ZBTB46: variants seen among roughly 807,000 people sequenced by gnomAD.
ZBTB46 encodes zinc finger and BTB domain containing 46.
In ZBTB46, 8 loss-of-function variants were observed where a neutral mutation model predicts 44.1. The observed-to-expected ratio is 0.18, with a 90% CI of 0.11 to 0.33. The LOEUF (loss-of-function observed/expected upper bound fraction) is 0.33, where lower values mean the gene tolerates loss of function less well. Among genes scored for constraint, ZBTB46 ranks in the 10% least tolerant of loss-of-function variants. The pLI, the probability that ZBTB46 is intolerant of heterozygous loss-of-function variation, is 1.00. For synonymous variants in ZBTB46, 409 were observed against 382.3 expected, an observed-to-expected ratio of 1.07 and a Z score of -0.81; for missense variants, 651 against 847.7, an observed-to-expected ratio of 0.77 and a Z score of 2.88.
chr20:63,807,610 G>T (rs1298821731), intron 1 of ZBTB46, among the ~76,000 whole-genome samples: 1 of 152,246 alleles, frequency 6.6e-6, no homozygotes, highest in African/African-American at 2.4e-5. Flanking sequence ...CTCCCAAAGT[G>T]TTGGGACTAC....
At chr20:63,759,976 T>C (rs2092259444) in intron 3 of ZBTB46, among the ~76,000 whole-genome samples, 1 of 152,220 alleles carries the variant, frequency 6.6e-6, no homozygotes, top group Non-Finnish European at 1.5e-5. Context: ...CCTTGAGTTC[T>C]TGGAATGAGC....
At chr20:63,801,395 GCCAATCAGCTCTCTCTAAAACAGA>G (rs1457049165) in intron 1 of ZBTB46, among the ~76,000 whole-genome samples, 7 of 152,126 alleles carry the variant, frequency 4.6e-5, no homozygotes, top group East Asian at 1.9e-4. Context: ...GTCAAAATGG[GCCAATCAGCTCTCTCTAAAACAGA>G]CCAATCAGCT....
intron 1 of ZBTB46, among the ~76,000 whole-genome samples, chr20:63,793,859 AAAAT>A (rs1229856024): frequency 1.3e-5 from 2 of 152,182 alleles, no homozygotes; most frequent in Non-Finnish European, 1.5e-5. Flanking sequence ...TATAGTTAAA[AAAAT>A]AAATAAATAA....
At chr20:63,769,953 C>T (rs1055819507) in intron 3 of ZBTB46, among the ~76,000 whole-genome samples, 35 of 152,330 alleles carry the variant, frequency 2.3e-4, no homozygotes, top group Non-Finnish European at 7.4e-5. Flanking sequence ...TCTCCAGTAA[C>T]GAGCTGGTCA....
chr20:63,746,891 A>T lies in ZBTB46; in HGVS notation c.*39T>A. ...ACCCACCGGACACACACACGGGTGG[A>T]CGGAGCGAGGCAGCCACCGACCCTG... is the stretch of plus-strand genomic sequence containing the variant. On this transcript the variant is annotated 3_prime_UTR_variant, in exon 5 of 5. Coordinates refer to ENST00000245663, the MANE Select transcript of ZBTB46 (RefSeq NM_001369741.1). 6.8e-7 allele frequency: 1 copy of T among 1,480,106 alleles called. No homozygotes were observed. Among genetic ancestry groups the T allele is most frequent in the Non-Finnish European group, 9.0e-7 (1 of 1,116,480 alleles). 91.7% of individuals were successfully genotyped at this position (1,480,106 alleles called of 1,614,324 possible).
chr20:63,826,397 C>T (rs1480776771), intron 1 of ZBTB46, among the ~76,000 whole-genome samples: 1 of 152,134 alleles, frequency 6.6e-6, no homozygotes, highest in Non-Finnish European at 1.5e-5. Flanking sequence ...AGCCCGGGGG[C>T]GACACCTGGG....
Position 63,752,761 on chromosome 20 carries a change from C to A in ZBTB46, c.1323G>T (p.Thr441=). The change falls in exon 4 of 5, where the codon ACG becomes ACT. Residue 441 remains threonine (T), a synonymous_variant. Transcript: ENST00000245663. The surrounding 1 kb of genome is among the most constrained non-coding windows in gnomAD (Gnocchi z 5.6). ...CILKRHMRSH[T]GERPYPCEIC... ...TCTCGCAGGGGTAGGGCCGCTCTCC[C>A]GTGTGCGAGCGCATGTGTCGCTTGA... is the stretch of plus-strand genomic sequence containing the variant. The A allele has an allele frequency of 2.5e-6, 4 of 1,612,714 alleles. No individual in the cohort carries two copies. The highest frequency in any genetic ancestry group is 3.4e-6 in the Non-Finnish European group (4 of 1,179,532).
At chr20:63,776,836 GATA>G (rs1240372054) in intron 2 of ZBTB46, among the ~76,000 whole-genome samples, 1 of 151,344 alleles carries the variant, frequency 6.6e-6, no homozygotes, top group African/African-American at 2.4e-5. Flanking sequence ...CTATATATCT[GATA>G]ATAAAAAGGC....
chr20:63,765,207 T>G (rs1235232754), intron 3 of ZBTB46, among the ~76,000 whole-genome samples: 1 of 152,050 alleles, frequency 6.6e-6, no homozygotes, highest in East Asian at 1.9e-4. Flanking sequence ...TCTTGCTTCT[T>G]GGGATTTTGC....
intron 1 of ZBTB46, among the ~76,000 whole-genome samples, chr20:63,799,176 G>A (rs1182366978): frequency 6.6e-6 from 1 of 150,628 alleles, no homozygotes; most frequent in East Asian, 2.0e-4. Context: ...GACCACAGGT[G>A]CACACCACCA....
In ZBTB46 at chr20:63,781,609, G is replaced by A. The variant is rs1026509626; in HGVS notation, c.938-5647C>T. Among the ~76,000 whole-genome samples, 24 of 152,146 alleles carry A rather than the reference G, an allele frequency of 1.6e-4. 1 individual carries two copies. The highest frequency in any genetic ancestry group is 1.2e-4 in the Non-Finnish European group (8 of 68,030). ...AGTTCGAGACCAGCCTGGCCAACAC[G>A]GCCAAACCCCGTCTCTACTAAAAAT... On this transcript the variant is annotated intron_variant, in intron 2 of 4. Coordinates refer to ENST00000245663, the MANE Select transcript of ZBTB46 (RefSeq NM_001369741.1).
At chr20:63,823,936 G>A (rs1406830187) in intron 1 of ZBTB46, among the ~76,000 whole-genome samples, 7 of 149,310 alleles carry the variant, frequency 4.7e-5, no homozygotes, top group East Asian at 2.0e-4. Flanking sequence ...AATGTAAACC[G>A]TTGAATGGGC....
intron 3 of ZBTB46, among the ~76,000 whole-genome samples, chr20:63,755,509 AC>A (rs2092212675): frequency 6.6e-6 from 1 of 152,124 alleles, no homozygotes. Context: ...TGGACTTAGG[AC>A]CCATCTGGAC....
rs1413921535 is a variant in ZBTB46, at chr20:63,745,859, G to GC, written c.*1070dup. 6.6e-6 allele frequency: 1 copy of GC among 152,482 alleles called. No individual in the cohort carries two copies. The highest frequency in any genetic ancestry group is 6.5e-5 in the Admixed American group (1 of 15,290). The allele number at this position is 152,482 out of a possible 1,614,324, so 9.4% of individuals were successfully genotyped here. ...ACATGTGAGTGCTTCTGAAAACACA[G>GC]CAAGAGGACTTGAGCACAAGCTAAA... On this transcript the variant is annotated 3_prime_UTR_variant, in exon 5 of 5. Coordinates refer to ENST00000245663, the MANE Select transcript of ZBTB46 (RefSeq NM_001369741.1).
chr20:63,806,505 A>C (rs2092682568), intron 1 of ZBTB46, among the ~76,000 whole-genome samples: 1 of 152,158 alleles, frequency 6.6e-6, no homozygotes, highest in Non-Finnish European at 1.5e-5. Context: ...GCTATGGCTA[A>C]CTCTGACCTG....
At chr20:63,751,721 G>GAAGCCCCGCCCCCCGGTGGGTCT (rs2092166106) in intron 4 of ZBTB46, among the ~76,000 whole-genome samples, 6 of 40,400 alleles carry the variant, frequency 1.5e-4, no homozygotes, top group East Asian at 1.2e-3. Context: ...CCGGTGGGTC[G>GAAGCCCCGCCCCCCGGTGGGTCT]CACCATGAAG....
upstream of ZBTB46, among the ~76,000 whole-genome samples, chr20:63,832,259 A>G (rs1243959665): frequency 6.6e-6 from 1 of 152,048 alleles, no homozygotes; most frequent in Non-Finnish European, 1.5e-5. The surrounding 1 kb of genome is among the most constrained non-coding windows in gnomAD (Gnocchi z 5.0). Context: ...TAGAGTGGGA[A>G]GCGCGGCCCC....
intron 1 of ZBTB46, among the ~76,000 whole-genome samples, chr20:63,816,172 C>T (rs2092756800): frequency 6.6e-6 from 1 of 150,676 alleles, no homozygotes; most frequent in African/African-American, 2.4e-5. Flanking sequence ...GTGCGGTGGG[C>T]ACAGATGCAG....
chr20:63,804,279 T>G (rs2092667626), intron 1 of ZBTB46, among the ~76,000 whole-genome samples: 1 of 152,100 alleles, frequency 6.6e-6, no homozygotes, highest in African/African-American at 2.4e-5. Flanking sequence ...TGCCTCCAGA[T>G]GGGCACAAGG....
Sources: allele counts gnomAD v4.1 joint callset (sites outside exome capture counted in the v4.1 genomes callset), GRCh38; gene constraint gnomAD v4.1.1; non-coding constraint Gnocchi (gnomAD v3.1); transcripts MANE v1.5; gene names NCBI Gene and HGNC (gene_info 2026-07-23, HGNC 2026-07-21).